CTSO: variants seen among roughly 807,000 people sequenced by gnomAD.
CTSO encodes the protein cathepsin O.
Under a neutral mutation model 42.4 loss-of-function variants are expected in CTSO, and 40 were observed. The ratio of observed to expected loss-of-function variants is 0.94; its 90% CI spans 0.73 to 1.23. The LOEUF is 1.23. Among genes scored for constraint, CTSO ranks in the 50% most tolerant of loss-of-function variants. The pLI is 0.00. For missense variants in CTSO, 441 were observed against 396.0 expected, an observed-to-expected ratio of 1.11 and a Z score of -0.96; for synonymous variants, 156 against 146.2, an observed-to-expected ratio of 1.07 and a Z score of -0.48.
intron 1 of CTSO, among the ~76,000 whole-genome samples, chr4:155,952,111 C>T (rs944653248): frequency 6.6e-6 from 1 of 152,080 alleles, no homozygotes; most frequent in African/African-American, 2.4e-5. Context: ...CAAATTCTTA[C>T]AGGCAGCAAT....
At chr4:155,943,591 A>G (rs1274478219) in intron 1 of CTSO, among the ~76,000 whole-genome samples, 1 of 152,182 alleles carries the variant, frequency 6.6e-6, no homozygotes, top group East Asian at 1.9e-4. Context: ...GCAAATAAAC[A>G]CTAGATACTA....
At chr4:155,947,152 G>A (rs532172003) in intron 1 of CTSO, among the ~76,000 whole-genome samples, 12 of 152,244 alleles carry the variant, frequency 7.9e-5, no homozygotes, top group African/African-American at 2.4e-4. Context: ...GAGCCACTGC[G>A]CCTGGCCTCT....
chr4:155,929,500 T>C, intron 6 of CTSO, 42 bp downstream of exon 6: 3 of 1,575,222 alleles, frequency 1.9e-6, no homozygotes, highest in South Asian at 1.2e-5. Context: ...GCACTCAGTG[T>C]CCATGCTGGA....
At chr4:155,938,224 C>T (rs1436061536) in intron 4 of CTSO, among the ~76,000 whole-genome samples, 1 of 152,170 alleles carries the variant, frequency 6.6e-6, no homozygotes, top group Non-Finnish European at 1.5e-5. Flanking sequence ...ATTCATATAG[C>T]ATATGTCAAA....
chr4:155,950,700 G>A (rs533027562), intron 1 of CTSO, among the ~76,000 whole-genome samples: 31 of 152,052 alleles, frequency 2.0e-4, no homozygotes, highest in East Asian at 9.7e-4. Context: ...CTGTCAGATC[G>A]GCAGCAGCAT....
chr4:155,940,924 GC>G (rs1743418990), intron 3 of CTSO, among the ~76,000 whole-genome samples: 2 of 100,760 alleles, frequency 2.0e-5, no homozygotes, highest in South Asian at 7.0e-4. Flanking sequence ...GGCAGTTCCT[GC>G]TTAAAAAAAA....
chr4:155,953,784 C>G lies in CTSO; in HGVS notation c.64G>C (p.Asp22His), dbSNP rs1172590057. Reference protein sequence around the residue: ...LLWLLCRGGGDADSRAPFTPT... With the variant: ...LLWLLCRGGGHADSRAPFTPT... ...GTGAAGGGGGCGCGGGAGTCCGCAT[C>G]GCCGCCGCCCCGGCACAGCAGCCAC... The change falls in exon 1 of 8, where the codon GAT (aspartate) becomes CAT (histidine). Residue 22 changes from aspartate (D) to histidine (H), a missense_variant. By Grantham distance (81) the Asp-to-His change is moderately conservative. Transcript: ENST00000433477. 2 of 1,339,970 alleles carry G rather than the reference C, an allele frequency of 1.5e-6. No individual in the cohort carries two copies. Among genetic ancestry groups the G allele is most frequent in the Admixed American group, 3.1e-5 (1 of 32,490 alleles). 83.0% of individuals were successfully genotyped at this position (1,339,970 alleles called of 1,614,324 possible).
intron 4 of CTSO, among the ~76,000 whole-genome samples, chr4:155,938,337 G>A (rs1743368185): frequency 6.6e-6 from 1 of 152,196 alleles, no homozygotes; most frequent in Non-Finnish European, 1.5e-5. Flanking sequence ...TACAGAGCAG[G>A]TCCTGGAATA....
intron 1 of CTSO, among the ~76,000 whole-genome samples, chr4:155,943,976 A>T (rs1342100916): frequency 6.6e-6 from 1 of 152,246 alleles, no homozygotes; most frequent in Non-Finnish European, 1.5e-5. Context: ...ATTACATAGA[A>T]TAAATAAAAT....
intron 5 of CTSO, among the ~76,000 whole-genome samples, chr4:155,930,786 T>C (rs1407981510): frequency 6.6e-6 from 1 of 152,166 alleles, no homozygotes; most frequent in Non-Finnish European, 1.5e-5. Flanking sequence ...ATAGAAACTA[T>C]ATATTCATTT....
Position 155,925,928 on chromosome 4 carries a change from T to C in CTSO, c.*108A>G. 4 of 920,514 alleles carry C rather than the reference T, an allele frequency of 4.3e-6. No individual in the cohort carries two copies. The South Asian group carries it at 6.0e-5, about 14-fold the overall frequency. The allele number at this position is 920,514 out of a possible 1,614,324, so 57.0% of individuals were successfully genotyped here. A position where few individuals can be genotyped will look rare whatever the true frequency, so the allele number is the denominator to read the frequency against. On this transcript the variant is annotated 3_prime_UTR_variant, in exon 8 of 8. Coordinates refer to ENST00000433477, the MANE Select transcript of CTSO (RefSeq NM_001334.3). ...AATACTACTAGGCCTTAGAATCTTT[T>C]GTAGGTAGTTGCTGAAACTTGAAGT...
Position 155,929,794 on chromosome 4 carries a change from A to C in CTSO, c.675-89T>G, listed in dbSNP as rs374234675. ...ATATAATCTGTGTATGATTCTGAGT[A>C]GGTTTGGTTGCAGTTACAAAGGACC... On this transcript the variant is annotated intron_variant, in intron 5 of 7. Coordinates refer to ENST00000433477, the MANE Select transcript of CTSO (RefSeq NM_001334.3). 9.3e-6 allele frequency: 12 copies of C among 1,286,838 alleles called. No individual in the cohort carries two copies. In the East Asian group the frequency reaches 1.5e-4, roughly 17 times the overall value. 79.7% of individuals were successfully genotyped at this position (1,286,838 alleles called of 1,614,324 possible).
At chr4:155,944,038 T>C (rs572475689) in intron 1 of CTSO, among the ~76,000 whole-genome samples, 34 of 152,318 alleles carry the variant, frequency 2.2e-4, no homozygotes, top group African/African-American at 7.9e-4. Context: ...TCTACATATT[T>C]GTCTATGTAC....
At chr4:155,932,521 T>G (rs1302272153) in intron 5 of CTSO, among the ~76,000 whole-genome samples, 2 of 152,122 alleles carry the variant, frequency 1.3e-5, no homozygotes, top group African/African-American at 4.8e-5. Flanking sequence ...TCACCCAACT[T>G]GCAACAATGA....
At chr4:155,937,190 A>C (rs747997590) in intron 5 of CTSO, among the ~76,000 whole-genome samples, 172 bp downstream of exon 5, 5 of 152,180 alleles carry the variant, frequency 3.3e-5, no homozygotes, top group Non-Finnish European at 7.4e-5. Context: ...GTAGATTATA[A>C]TTAAGAAACA....
In CTSO at chr4:155,951,122, A is replaced by AAG. The variant is rs1319092188; in HGVS notation, c.135+2590_135+2591insCT. On this transcript the variant is annotated intron_variant, in intron 1 of 7. Transcript: ENST00000433477. ...AATATATAAATAATCTTATAATAAT[A>AAG]TAACCTGTGTCATTACGGCAACTGG... is the stretch of plus-strand genomic sequence containing the variant. Among the ~76,000 whole-genome samples the AAG allele has an allele frequency of 9.8e-5, 15 of 152,302 alleles. No homozygotes were observed. The East Asian group carries it at 2.7e-3, about 27-fold the overall frequency.
intron 5 of CTSO, among the ~76,000 whole-genome samples, chr4:155,930,837 T>C (rs1275869155): frequency 1.3e-5 from 2 of 152,214 alleles, no homozygotes; most frequent in African/African-American, 4.8e-5. Flanking sequence ...GAATATCTGC[T>C]TTTTGAGATC....
chr4:155,941,670 C>T (rs372674114), intron 3 of CTSO, among the ~76,000 whole-genome samples: 1 of 152,196 alleles, frequency 6.6e-6, no homozygotes, highest in African/African-American at 2.4e-5. Context: ...AACCTCATTT[C>T]TCCCATAATC....
chr4:155,949,806 G>A (rs1198062325), intron 1 of CTSO, among the ~76,000 whole-genome samples: 2 of 152,192 alleles, frequency 1.3e-5, no homozygotes, highest in Non-Finnish European at 2.9e-5. Context: ...TCTCAACTGA[G>A]GATAATTTTG....
Sources: allele counts gnomAD v4.1 joint callset (sites outside exome capture counted in the v4.1 genomes callset), GRCh38; gene constraint gnomAD v4.1.1; transcripts MANE v1.5; gene names NCBI Gene and HGNC (gene_info 2026-07-23, HGNC 2026-07-21).